Variants in DACH2 observed in about 807,000 individuals in gnomAD.
DACH2 encodes dachshund homolog 2.
In DACH2, 17 loss-of-function variants were observed where a neutral mutation model predicts 35.8. That is an observed-to-expected ratio of 0.48 (90% CI 0.33 to 0.71). The LOEUF (loss-of-function observed/expected upper bound fraction) is 0.71. Among genes scored for constraint, DACH2 ranks in the 30% least tolerant of loss-of-function variants. The pLI is 0.02. For missense variants in DACH2, 469 were observed against 472.7 expected, an observed-to-expected ratio of 0.99 and a Z score of 0.07; for synonymous variants, 195 against 177.3, an observed-to-expected ratio of 1.10 and a Z score of -0.79.
chrX:86,496,069 C>A (rs758466677), intron 2 of DACH2, among the ~76,000 whole-genome samples: 22 of 110,776 alleles, frequency 2.0e-4, no homozygotes, highest in African/African-American at 6.9e-4. Flanking sequence ...TGCTTATTAT[C>A]TTTACACTAT....
At chrX:86,188,049 C>T (rs769612859) in intron 1 of DACH2, among the ~76,000 whole-genome samples, 45 of 111,720 alleles carry the variant, frequency 4.0e-4, no homozygotes, top group Non-Finnish European at 7.2e-4. Context: ...TTTTATTGAT[C>T]GGATAGCCTC....
At chrX:86,515,157 T>C (rs1459834738) in intron 3 of DACH2, among the ~76,000 whole-genome samples, 1 of 111,299 alleles carries the variant, frequency 9.0e-6, no homozygotes, top group Non-Finnish European at 1.9e-5. Flanking sequence ...TGGGTACTCA[T>C]TTCTAGGCAT....
At chrX:86,552,485 T>A (rs893070493) in intron 3 of DACH2, among the ~76,000 whole-genome samples, 2 of 112,062 alleles carry the variant, frequency 1.8e-5, no homozygotes, top group Non-Finnish European at 3.8e-5. Context: ...GCAGCACAAC[T>A]AATGAGGGAG....
chrX:86,379,287 A>G (rs777338818), intron 2 of DACH2, among the ~76,000 whole-genome samples: 4 of 111,234 alleles, frequency 3.6e-5, no homozygotes, highest in Non-Finnish European at 7.6e-5. Context: ...ATTGGCAAAG[A>G]TAAAACAAAG....
chrX:86,297,043 G>A (rs1300341600), intron 1 of DACH2, among the ~76,000 whole-genome samples: 1 of 89,948 alleles, frequency 1.1e-5, no homozygotes, highest in African/African-American at 4.4e-5. Context: ...ATATAATTGT[G>A]TATATATATA....
At chrX:86,626,182 T>C (rs1217498194) in intron 3 of DACH2, among the ~76,000 whole-genome samples, 1 of 112,371 alleles carries the variant, frequency 8.9e-6, no homozygotes, top group East Asian at 2.8e-4. Context: ...TGGGAGAAAT[T>C]GGCCAAATCA....
intron 1 of DACH2, among the ~76,000 whole-genome samples, chrX:86,317,549 A>T (rs979107875): frequency 8.9e-6 from 1 of 112,336 alleles, no homozygotes; most frequent in East Asian, 2.8e-4. Context: ...TTAAAAGATA[A>T]TTTTTCTCTT....
At chrX:86,787,341 C>T in intron 7 of DACH2, among the ~76,000 whole-genome samples, 1 of 111,452 alleles carries the variant, frequency 9.0e-6, no homozygotes, top group Admixed American at 9.5e-5. Flanking sequence ...ACAGCACATC[C>T]AGGGGTGGTG....
At chrX:86,638,275 C>G (rs754331314) in intron 3 of DACH2, among the ~76,000 whole-genome samples, 2 of 111,630 alleles carry the variant, frequency 1.8e-5, no homozygotes, top group African/African-American at 6.5e-5. Flanking sequence ...GATGGATTAA[C>G]GAGTTAAATG....
chrX:86,733,145 T>C (rs1413189548), intron 6 of DACH2, among the ~76,000 whole-genome samples: 3 of 111,867 alleles, frequency 2.7e-5, no homozygotes, highest in African/African-American at 9.7e-5. Context: ...CACATATGCC[T>C]TCCTTTCATC....
chrX:86,316,493 C>T (rs968108203), intron 1 of DACH2, among the ~76,000 whole-genome samples: 1 of 111,580 alleles, frequency 9.0e-6, no homozygotes, highest in African/African-American at 3.3e-5. Flanking sequence ...GCTATTTATG[C>T]TTTTTGTTAG....
intron 7 of DACH2, among the ~76,000 whole-genome samples, chrX:86,797,566 C>CA (rs1371989980): frequency 3.6e-5 from 4 of 110,862 alleles, no homozygotes; most frequent in Non-Finnish European, 7.6e-5. Flanking sequence ...ATATTTGTAA[C>CA]AATAGTAAGT....
chrX:86,813,088 A>G (rs762051241), intron 8 of DACH2, 42 bp from the exon 9 acceptor site: 436 of 1,178,418 alleles, frequency 3.7e-4, no homozygotes, highest in Admixed American at 5.2e-4. Flanking sequence ...ATAAATTAAA[A>G]CAGATAAGAT....
At chrX:86,811,403 C>A (rs1042284793) in intron 7 of DACH2, among the ~76,000 whole-genome samples, 4 of 111,682 alleles carry the variant, frequency 3.6e-5, no homozygotes, top group Admixed American at 9.5e-5. Flanking sequence ...GTCCATATTC[C>A]ATACCTATAG....
chrX:86,829,155 G>C (rs1017189252), intron 11 of DACH2: 17 of 111,989 alleles, frequency 1.5e-4, no homozygotes, highest in African/African-American at 5.2e-4. Context: ...TAAAGCATAA[G>C]CATTTGGATT....
In DACH2 at chrX:86,274,492, G is replaced by GTTT. The variant is rs1162526523; in HGVS notation, c.489-102313_489-102311dup. Among the ~76,000 whole-genome samples, 68 of 12,238 alleles carry GTTT rather than the reference G, an allele frequency of 5.6e-3. 1 individual carries two copies. The highest frequency in any genetic ancestry group is 6.3e-3 in the African/African-American group (15 of 2,379). 10.6% of individuals were successfully genotyped at this position (12,238 alleles called of 115,157 possible). A position where few individuals can be genotyped will look rare whatever the true frequency, so the allele number is the denominator to read the frequency against. ...TTTTTTTTTGAGACGGAGTCTTTCT[G>GTTT]TTTTTTTTTTTTTTTTTTTTTGAGA... On this transcript the variant is annotated intron_variant, in intron 1 of 11. Coordinates refer to ENST00000373125, the MANE Select transcript of DACH2 (RefSeq NM_053281.3).
intron 1 of DACH2, among the ~76,000 whole-genome samples, chrX:86,297,999 G>A (rs1010937401): frequency 2.7e-4 from 30 of 112,039 alleles, no homozygotes; most frequent in African/African-American, 9.4e-4. Flanking sequence ...GGCCTGGCCA[G>A]CAGTGAACCT....
intron 4 of DACH2, among the ~76,000 whole-genome samples, chrX:86,662,020 G>A (rs946329408): frequency 1.8e-5 from 2 of 111,944 alleles, no homozygotes; most frequent in African/African-American, 3.2e-5. Context: ...AAATATGATT[G>A]TTTGGTTGAT....
chrX:86,776,113 C>T (rs943854238), intron 7 of DACH2, among the ~76,000 whole-genome samples: 7 of 111,511 alleles, frequency 6.3e-5, no homozygotes, highest in African/African-American at 2.3e-4. Context: ...AAATCACATA[C>T]TACTTTCATA....
Sources: gnomAD v4.1 joint callset for allele counts (sites outside exome capture counted in the v4.1 genomes callset) on GRCh38, gnomAD v4.1.1 for gene constraint, MANE v1.5 for transcripts, NCBI Gene and HGNC (gene_info 2026-07-23, HGNC 2026-07-21) for gene names.